The following MFAP3L variants were observed in gnomAD, a reference collection of about 807,000 sequenced individuals.
MFAP3L encodes the protein microfibril associated protein 3 like, also known as microfibrillar-associated protein 3-like.
MFAP3L carries 5 observed loss-of-function variants against 20.0 expected under a neutral mutation model. The ratio of observed to expected loss-of-function variants is 0.25; its 90% confidence interval spans 0.13 to 0.53. The LOEUF is 0.53. Ranked by LOEUF, MFAP3L falls within the 20% of genes least tolerant of loss-of-function variation. The pLI is 0.96. For synonymous variants in MFAP3L, 219 were observed against 213.0 expected, an observed-to-expected ratio of 1.03 and a Z score of -0.25; for missense variants, 409 against 527.5, an observed-to-expected ratio of 0.78 and a Z score of 2.20.
intron 2 of MFAP3L, among the ~76,000 whole-genome samples, chr4:169,998,784 CAGG>C (rs1272926445): frequency 2.0e-5 from 3 of 152,266 alleles, no homozygotes; most frequent in African/African-American, 4.8e-5. Flanking sequence ...CATGCTTTTC[CAGG>C]AGAAGAATTA....
At chr4:170,021,528 G>A (rs1740035820) in intron 1 of MFAP3L, among the ~76,000 whole-genome samples, 1 of 152,170 alleles carries the variant, frequency 6.6e-6, no homozygotes. Flanking sequence ...TTTTAGTCAA[G>A]TCTTACTGTT....
rs1737511281 is a variant in MFAP3L, at chr4:169,989,549, A to G, written c.*1829T>C. On this transcript the variant is annotated 3_prime_UTR_variant, in exon 3 of 3. Coordinates refer to ENST00000361618, the MANE Select transcript of MFAP3L (RefSeq NM_021647.8). Reference sequence around the variant, plus strand: ...TCTGTGAACTATAAATGTTTCAACTAGAAGGGATCCTGTAGACCCTCGAGT... The same window carrying G: ...TCTGTGAACTATAAATGTTTCAACTGGAAGGGATCCTGTAGACCCTCGAGT... 1 of 152,220 alleles carries G rather than the reference A, an allele frequency of 6.6e-6. No homozygotes were observed. The highest frequency in any genetic ancestry group is 1.9e-4 in the East Asian group (1 of 5,194). 9.4% of individuals were successfully genotyped at this position (152,220 alleles called of 1,614,324 possible). A position where few individuals can be genotyped will look rare whatever the true frequency, so the allele number is the denominator to read the frequency against.
upstream of MFAP3L, chr4:170,027,027 C>A (rs1265392652): frequency 6.6e-6 from 1 of 152,130 alleles, no homozygotes; most frequent in African/African-American, 2.4e-5. Flanking sequence ...TGGTGACTTT[C>A]TGAGTGGTGG....
At chr4:170,026,057 C>G (rs1412150058) in intron 1 of MFAP3L, among the ~76,000 whole-genome samples, 177 bp downstream of exon 1, 1 of 152,052 alleles carries the variant, frequency 6.6e-6, no homozygotes, top group Non-Finnish European at 1.5e-5. Flanking sequence ...CCTGCGACCC[C>G]CTGGAGCCCG....
chr4:170,018,044 G>A (rs1739808557), intron 1 of MFAP3L, among the ~76,000 whole-genome samples: 1 of 152,178 alleles, frequency 6.6e-6, no homozygotes, highest in African/African-American at 2.4e-5. Context: ...TTTAAGACCA[G>A]GCCTTTACCC....
intron 2 of MFAP3L, among the ~76,000 whole-genome samples, chr4:170,000,444 T>C (rs969424597): frequency 2.0e-5 from 3 of 152,144 alleles, no homozygotes; most frequent in Non-Finnish European, 4.4e-5. Flanking sequence ...TGTGAGGATA[T>C]AGTATAATAT....
chr4:170,021,041 G>A (rs1025365017), intron 1 of MFAP3L, among the ~76,000 whole-genome samples: 4 of 152,114 alleles, frequency 2.6e-5, no homozygotes, highest in East Asian at 1.9e-4. Context: ...TAAGTCACCC[G>A]GAAAGAACAC....
At chr4:170,024,566 T>A (rs1740236511) in intron 1 of MFAP3L, among the ~76,000 whole-genome samples, 2 of 152,128 alleles carry the variant, frequency 1.3e-5, no homozygotes, top group South Asian at 4.1e-4. Context: ...TGTGTTGGAG[T>A]TTTCAAACTT....
intron 1 of MFAP3L, among the ~76,000 whole-genome samples, chr4:170,018,996 C>G (rs1188302630): frequency 6.6e-6 from 1 of 152,198 alleles, no homozygotes; most frequent in Non-Finnish European, 1.5e-5. Flanking sequence ...TTTATGCTAT[C>G]CACAGCCATC....
At chr4:170,003,827 T>C in intron 2 of MFAP3L, 1 of 985,484 alleles carries the variant, frequency 1.0e-6, no homozygotes, top group Non-Finnish European at 1.2e-6. Flanking sequence ...GCTATTGCCC[T>C]CCATTCACAA....
At position 169,992,609 on chromosome 4, in the gene MFAP3L, A is replaced by C. The variant is rs1737808947; in HGVS notation, c.299-300T>G. Reference sequence around the variant, plus strand: ...CGGCTTGGAAGCCGTAGAACTGAAGATGAACTTGAGTTCCAGAGGCTGCAC... The same window carrying C: ...CGGCTTGGAAGCCGTAGAACTGAAGCTGAACTTGAGTTCCAGAGGCTGCAC... On this transcript the variant is annotated intron_variant, in intron 2 of 2. Coordinates refer to ENST00000361618, the MANE Select transcript of MFAP3L (RefSeq NM_021647.8). This position sits in a 1 kb window ranked among gnomAD's most constrained non-coding sequence, Gnocchi z 4.3. Among the ~76,000 whole-genome samples, 2 of 152,228 alleles carry C rather than the reference A, an allele frequency of 1.3e-5. No individual in the cohort carries two copies. Among genetic ancestry groups the C allele is most frequent in the African/African-American group, 4.8e-5 (2 of 41,476 alleles).
At chr4:169,997,659 CATT>C in intron 2 of MFAP3L, 2 of 954,232 alleles carry the variant, frequency 2.1e-6, no homozygotes, top group Non-Finnish European at 2.5e-6. Flanking sequence ...TCGCTAGTGA[CATT>C]GTTGGCAGTG....
intron 1 of MFAP3L, 52 bp from the exon 2 acceptor site, chr4:170,006,062 T>C (rs1739011609): frequency 5.3e-6 from 7 of 1,326,974 alleles, no homozygotes; most frequent in South Asian, 1.7e-5. Context: ...CATTCATCCA[T>C]TCAAAACACT....
In MFAP3L at chr4:169,991,861, G is replaced by A. The variant is rs763032920; in HGVS notation, c.747C>T (p.Asn249=). The A allele has an allele frequency of 6.2e-7, 1 of 1,614,060 alleles. No individual in the cohort carries two copies. The highest frequency in any genetic ancestry group is 1.3e-5 in the African/African-American group (1 of 74,928). The change falls in exon 3 of 3, where the codon AAC becomes AAT. Residue 249 remains asparagine, a synonymous_variant. Coordinates refer to ENST00000361618, the MANE Select transcript of MFAP3L (RefSeq NM_021647.8). This position sits in a 1 kb window ranked among gnomAD's most constrained non-coding sequence, Gnocchi z 4.9. The part of the protein sequence containing the change: ...RSVPLPPLIM[N]CRTIMEEIME... The stretch of plus-strand genomic sequence containing the variant: ...TAATCTCCTCCATGATAGTCCTGCA[G>A]TTCATAATGAGAGGCGGCAGAGGCA...
At chr4:170,017,575 T>C (rs996080390) in intron 1 of MFAP3L, among the ~76,000 whole-genome samples, 1 of 152,214 alleles carries the variant, frequency 6.6e-6, no homozygotes, top group African/African-American at 2.4e-5. Flanking sequence ...TCCTGTTACC[T>C]GCACACGGTG....
Position 170,006,931 on chromosome 4 carries a change from C to A in MFAP3L, c.-133-921G>T, listed in dbSNP as rs550662230. ...CACTCATGTACACCCTGGTTTCAAT[C>A]TCATCTGCCTCCCACAGGCTGGGGA... is the stretch of plus-strand genomic sequence containing the variant. On this transcript the variant is annotated intron_variant, in intron 1 of 2. Transcript: ENST00000361618. 9 of 152,378 alleles carry A rather than the reference C, an allele frequency of 5.9e-5. 1 individual carries two copies. Among genetic ancestry groups the A allele is most frequent in the African/African-American group, 2.2e-4 (9 of 41,552 alleles). The allele number at this position is 152,378 out of a possible 1,614,324, so 9.4% of individuals were successfully genotyped here.
intron 1 of MFAP3L, among the ~76,000 whole-genome samples, chr4:170,010,420 G>A (rs908770599): frequency 1.3e-5 from 2 of 152,032 alleles, no homozygotes; most frequent in Non-Finnish European, 2.9e-5. Context: ...TTACATGCAG[G>A]TTTTTTCTTT....
Position 169,992,149 on chromosome 4 carries a change from G to A in MFAP3L, c.459C>T (p.Tyr153=), listed in dbSNP as rs1737758190. Residue 153 remains tyrosine, a synonymous_variant, in exon 3 of 3, where the codon TAC becomes TAT. Transcript: ENST00000361618. This position sits in a 1 kb window ranked among gnomAD's most constrained non-coding sequence, Gnocchi z 4.3. ...IFTSGDMGVY[Y]MVVCLVAFTI... ...TGAAGGCCACCAGGCACACGACCAT[G>A]TAGTAGACACCCATGTCTCCAGAAG... 6.2e-7 allele frequency: 1 copy of A among 1,614,082 alleles called. No homozygotes were observed. The highest frequency in any genetic ancestry group is 1.3e-5 in the African/African-American group (1 of 74,930).
chr4:169,991,964 T>C lies in MFAP3L; in HGVS notation c.644A>G (p.Lys215Arg). 6.2e-7 allele frequency: 1 copy of C among 1,614,160 alleles called. No individual in the cohort carries two copies. Among genetic ancestry groups the C allele is most frequent in the Non-Finnish European group, 8.5e-7 (1 of 1,180,026 alleles). The change falls in exon 3 of 3, where the codon AAA becomes AGA. Residue 215 changes from lysine to arginine, a missense_variant. By Grantham distance (26) the Lys-to-Arg change is conservative. Transcript: ENST00000361618. This position sits in a 1 kb window ranked among gnomAD's most constrained non-coding sequence, Gnocchi z 4.9. The stretch of plus-strand genomic sequence containing the variant: ...GGTGACTTTGGCAAGCTCTAGAGTT[T>C]TGGCGGAGGTGATGATGGGGATGCG... Reference protein sequence around the residue: ...AKRIPIITSAKTLELAKVTQF... With the variant: ...AKRIPIITSARTLELAKVTQF...
Sources: allele counts gnomAD v4.1 joint callset (sites outside exome capture counted in the v4.1 genomes callset), GRCh38; gene constraint gnomAD v4.1.1; non-coding constraint Gnocchi (gnomAD v3.1); transcripts MANE v1.5; gene names NCBI Gene and HGNC (gene_info 2026-07-23, HGNC 2026-07-21).